The following RBFOX1 variants were observed in gnomAD, a reference collection of about 807,000 sequenced individuals.
The protein encoded by RBFOX1 is RNA binding protein fox-1 homolog 1.
A neutral mutation model predicts 57.7 loss-of-function variants in RBFOX1; 8 were observed. The observed-to-expected ratio is 0.14, with a 90% CI of 0.08 to 0.25. RBFOX1 has a LOEUF of 0.25. Ranked by LOEUF, RBFOX1 falls within the 10% of genes least tolerant of loss-of-function variation. The pLI is 1.00. For synonymous variants in RBFOX1, 326 were observed against 222.4 expected (o/e 1.47, Z -4.15); for missense variants, 611 against 548.5 (o/e 1.11, Z -1.14).
chr16:6,199,682 A>G (rs771366225), intron 1 of RBFOX1, among the ~76,000 whole-genome samples: 7 of 152,190 alleles, frequency 4.6e-5, no homozygotes, highest in African/African-American at 7.2e-5. Context: ...GTGCATTTCA[A>G]ACTTCTTTGG....
intron 4 of RBFOX1, among the ~76,000 whole-genome samples, chr16:7,456,587 T>G (rs990990305): frequency 1.3e-5 from 2 of 152,158 alleles, no homozygotes; most frequent in Admixed American, 6.5e-5. Context: ...CAAATTGATT[T>G]TAAGAGTTGC....
At chr16:6,491,059 A>C (rs1413924391) in intron 2 of RBFOX1, among the ~76,000 whole-genome samples, 1 of 152,140 alleles carries the variant, frequency 6.6e-6, no homozygotes, top group African/African-American at 2.4e-5. Context: ...AGTTCTGTAG[A>C]TACTATCTAT....
chr16:5,674,834 G>A (rs1337256823), intron 3 of RBFOX1, among the ~76,000 whole-genome samples: 3 of 152,184 alleles, frequency 2.0e-5, no homozygotes, highest in African/African-American at 7.2e-5. Flanking sequence ...GGCGCACGTA[G>A]TACGTTATGT....
At position 6,602,090 on chromosome 16, in the gene RBFOX1, AGTT is replaced by A. The variant is rs1018211871; in HGVS notation, c.-63-52509_-63-52507del. ...CCCTCCATTATTCATTTATTCCCTA[AGTT>A]GTTTATTGGCCATTTGTCTGTCTTC... On this transcript the variant is annotated intron_variant, in intron 2 of 15. Transcript: ENST00000550418. 2.1e-4 allele frequency among the ~76,000 whole-genome samples: 32 copies of A among 152,190 alleles called. 1 individual carries two copies. The highest frequency in any genetic ancestry group is 7.7e-4 in the African/African-American group (32 of 41,534).
intron 4 of RBFOX1, among the ~76,000 whole-genome samples, chr16:7,082,882 T>C (rs2059417137): frequency 6.6e-6 from 1 of 152,232 alleles, no homozygotes; most frequent in African/African-American, 2.4e-5. Context: ...ACTGGATTAA[T>C]TATTTTAAAA....
chr16:7,708,890 C>G (rs541448437), intron 14 of RBFOX1, among the ~76,000 whole-genome samples, 166 bp from the exon 15 acceptor site: 1 of 152,222 alleles, frequency 6.6e-6, no homozygotes, highest in South Asian at 2.1e-4. Flanking sequence ...AAAAATGTAT[C>G]ATGTACAGAT....
chr16:6,662,682 T>G (rs1033396636), intron 3 of RBFOX1, among the ~76,000 whole-genome samples: 5 of 152,040 alleles, frequency 3.3e-5, no homozygotes, highest in Non-Finnish European at 7.4e-5. Flanking sequence ...CCTAAAAGAC[T>G]CAAACATTTG....
chr16:6,916,659 C>A (rs550158034), intron 3 of RBFOX1, among the ~76,000 whole-genome samples: 1 of 152,082 alleles, frequency 6.6e-6, no homozygotes, highest in Non-Finnish European at 1.5e-5. Context: ...TCATCACGAC[C>A]TTCCCAGGTC....
intron 1 of RBFOX1, among the ~76,000 whole-genome samples, chr16:6,275,238 G>C (rs927035638): frequency 6.6e-6 from 1 of 152,088 alleles, no homozygotes; most frequent in Admixed American, 6.5e-5. Context: ...GTGAACCCAG[G>C]AGGTGGAGCT....
At chr16:5,891,619 G>A (rs375184246) in intron 4 of RBFOX1, among the ~76,000 whole-genome samples, 1 of 152,186 alleles carries the variant, frequency 6.6e-6, no homozygotes, top group African/African-American at 2.4e-5. Flanking sequence ...AGCTGGGTGA[G>A]GGTGCACCAG....
At chr16:5,273,581 C>A (rs556445395) in intron 1 of RBFOX1, among the ~76,000 whole-genome samples, 12 of 152,260 alleles carry the variant, frequency 7.9e-5, no homozygotes, top group African/African-American at 2.6e-4. Flanking sequence ...CGGGAAGGAG[C>A]TGCCATCTGT....
At chr16:7,387,111 A>C (rs961955239) in intron 4 of RBFOX1, among the ~76,000 whole-genome samples, 2 of 152,092 alleles carry the variant, frequency 1.3e-5, no homozygotes, top group African/African-American at 4.8e-5. Flanking sequence ...GTATTTGTAG[A>C]TTCTGGATAT....
chr16:5,622,208 C>T (rs1034864734), intron 3 of RBFOX1, among the ~76,000 whole-genome samples: 4 of 152,182 alleles, frequency 2.6e-5, no homozygotes, highest in African/African-American at 7.2e-5. Context: ...TTATCAAAAA[C>T]AGTGTTTTGA....
chr16:6,376,235 C>T (rs1392294726), intron 2 of RBFOX1, among the ~76,000 whole-genome samples: 1 of 152,144 alleles, frequency 6.6e-6, no homozygotes, highest in African/African-American at 2.4e-5. Flanking sequence ...TATGTTCCTG[C>T]TTATGTCCTA....
chr16:7,077,698 G>A (rs941359004), intron 4 of RBFOX1, among the ~76,000 whole-genome samples: 2 of 152,080 alleles, frequency 1.3e-5, no homozygotes, highest in African/African-American at 4.8e-5. Context: ...TATATCTGTC[G>A]GGTTGATAGA....
chr16:6,347,296 T>C lies in RBFOX1; in HGVS notation c.-64+30239T>C, dbSNP rs1289738390. On this transcript the variant is annotated intron_variant, in intron 2 of 15. Coordinates refer to ENST00000550418, the MANE Select transcript of RBFOX1 (RefSeq NM_018723.4). ...AGATGGTTCTCATCCTCAACCACCA[T>C]CATCATCATTGTCTCTCCTCTTTAC... Among the ~76,000 whole-genome samples, 7 of 152,158 alleles carry C rather than the reference T, an allele frequency of 4.6e-5. No homozygotes were observed. In the South Asian group the frequency reaches 1.5e-3, roughly 32 times the overall value.
At position 5,824,302 on chromosome 16, in the gene RBFOX1, G is replaced by C. The variant is rs1284381991; in HGVS notation, c.319-43001G>C. On this transcript the variant is annotated intron_variant, in intron 3 of 19. Transcript: ENST00000641259. ...TGACAGCTGAGTGGATGGTAGAAGG[G>C]GGCTGCCTCCCTCTTTTTTGGTCAC... 2.0e-5 allele frequency among the ~76,000 whole-genome samples: 3 copies of C among 152,188 alleles called. No homozygotes were observed. In the East Asian group the frequency reaches 5.8e-4, roughly 29 times the overall value.
chr16:6,211,872 C>T (rs1468285825), intron 1 of RBFOX1, among the ~76,000 whole-genome samples: 2 of 138,968 alleles, frequency 1.4e-5, no homozygotes, highest in Non-Finnish European at 3.1e-5. Context: ...TTATTTTTAA[C>T]AGAGTCTCGC....
intron 1 of RBFOX1, among the ~76,000 whole-genome samples, chr16:5,305,815 C>T (rs1433931126): frequency 1.3e-5 from 2 of 152,052 alleles, no homozygotes; most frequent in African/African-American, 2.4e-5. Context: ...CCCAGCAAGT[C>T]GGGAGGCCTA....
Sources: allele counts gnomAD v4.1 joint callset (sites outside exome capture counted in the v4.1 genomes callset), GRCh38; gene constraint gnomAD v4.1.1; transcripts MANE v1.5; gene names NCBI Gene and HGNC (gene_info 2026-07-23, HGNC 2026-07-21).